Variants in ERBB4 observed in about 807,000 individuals in gnomAD.
ERBB4 encodes erb-b2 receptor tyrosine kinase 4.
ERBB4 carries 42 observed loss-of-function variants against 158.0 expected under a neutral mutation model. The ratio of observed to expected loss-of-function variants is 0.27; its 90% CI spans 0.21 to 0.34. The LOEUF (loss-of-function observed/expected upper bound fraction) is 0.34, where lower values mean the gene tolerates loss of function less well. ERBB4 is among the 10% of genes least tolerant of loss of function. The pLI is 1.00. For synonymous variants in ERBB4, 583 were observed against 558.7 expected (o/e 1.04, Z -0.61); for missense variants, 1,333 against 1,624.1 (o/e 0.82, Z 3.08).
At chr2:212,370,021 G>A (rs554512825) in intron 1 of ERBB4, among the ~76,000 whole-genome samples, 1 of 152,242 alleles carries the variant, frequency 6.6e-6, no homozygotes, top group African/African-American at 2.4e-5. Context: ...GTAAATTAAT[G>A]AATTGGTGAT....
intron 2 of ERBB4, among the ~76,000 whole-genome samples, chr2:212,105,965 G>T (rs2079214447): frequency 6.6e-6 from 1 of 152,118 alleles, no homozygotes; most frequent in South Asian, 2.1e-4. Flanking sequence ...CAACATGATT[G>T]TAAAGCCTCC....
chr2:211,428,859 G>A (rs2063691130), intron 21 of ERBB4, among the ~76,000 whole-genome samples: 1 of 151,938 alleles, frequency 6.6e-6, no homozygotes, highest in Non-Finnish European at 1.5e-5. Context: ...CGGGACCACA[G>A]GGGTGCGCCA....
At chr2:211,909,922 G>T (rs976239653) in intron 3 of ERBB4, among the ~76,000 whole-genome samples, 1 of 151,510 alleles carries the variant, frequency 6.6e-6, no homozygotes, top group Non-Finnish European at 1.5e-5. Context: ...ATAAATTTTT[G>T]TTGTTGTTGT....
At chr2:211,508,336 C>T (rs775686644) in intron 20 of ERBB4, among the ~76,000 whole-genome samples, 7 of 151,770 alleles carry the variant, frequency 4.6e-5, no homozygotes, top group Non-Finnish European at 1.0e-4. Flanking sequence ...AGACATTTCT[C>T]AAAAAAAGAC....
chr2:211,668,704 A>ATTC (rs2071720100), intron 14 of ERBB4, among the ~76,000 whole-genome samples: 1 of 152,126 alleles, frequency 6.6e-6, no homozygotes, highest in Admixed American at 6.5e-5. Context: ...GAACATTATA[A>ATTC]TTCTCCTCCC....
chr2:211,787,411 T>A (rs902669606), intron 4 of ERBB4, among the ~76,000 whole-genome samples: 1 of 152,224 alleles, frequency 6.6e-6, no homozygotes, highest in Non-Finnish European at 1.5e-5. Context: ...ATAAATTCTT[T>A]GTGGTAGAAA....
chr2:212,531,009 T>C (rs1031107663), intron 1 of ERBB4, among the ~76,000 whole-genome samples: 3 of 152,194 alleles, frequency 2.0e-5, no homozygotes, highest in Non-Finnish European at 2.9e-5. Flanking sequence ...CATATTCCTA[T>C]TGGTGTTTAG....
chr2:211,590,463 A>G (rs1285072578), intron 19 of ERBB4, among the ~76,000 whole-genome samples: 1 of 152,098 alleles, frequency 6.6e-6, no homozygotes, highest in Non-Finnish European at 1.5e-5. Context: ...TGCAGCCTCT[A>G]TCCTTGATGG....
intron 2 of ERBB4, among the ~76,000 whole-genome samples, chr2:212,069,902 G>T (rs749407460): frequency 6.6e-6 from 1 of 151,918 alleles, no homozygotes; most frequent in Non-Finnish European, 1.5e-5. Context: ...AGGATCACTT[G>T]AGGCTGGAAA....
chr2:212,178,258 A>T (rs1279720667), intron 1 of ERBB4, among the ~76,000 whole-genome samples: 1 of 151,658 alleles, frequency 6.6e-6, no homozygotes, highest in Non-Finnish European at 1.5e-5. Flanking sequence ...AATAGTAAAA[A>T]GATTGCTGTA....
chr2:212,174,404 T>A lies in ERBB4; in HGVS notation c.83-49501A>T, dbSNP rs533671357. The stretch of plus-strand genomic sequence containing the variant: ...GACTGAGGCTACAAGTTAAGATACA[T>A]ACATTAAATGCTATTTCAGAATAGC... On this transcript the variant is annotated intron_variant, in intron 1 of 27. Coordinates refer to ENST00000342788, the MANE Select transcript of ERBB4 (RefSeq NM_005235.3). 5.5e-4 allele frequency among the ~76,000 whole-genome samples: 83 copies of A among 152,222 alleles called. 1 individual carries two copies. The highest frequency in any genetic ancestry group is 8.8e-4 in the Non-Finnish European group (60 of 67,994).
At chr2:212,098,769 A>G (rs934916460) in intron 2 of ERBB4, among the ~76,000 whole-genome samples, 1 of 152,196 alleles carries the variant, frequency 6.6e-6, no homozygotes, top group African/African-American at 2.4e-5. Flanking sequence ...AGTTTGTATA[A>G]GAAAATTTAG....
intron 1 of ERBB4, among the ~76,000 whole-genome samples, chr2:212,535,426 A>G (rs1467100139): frequency 1.3e-5 from 2 of 152,196 alleles, no homozygotes; most frequent in African/African-American, 4.8e-5. Context: ...TTTTGGAGAT[A>G]TAATGATGTA....
chr2:211,776,730 G>A (rs1483412215), intron 4 of ERBB4, among the ~76,000 whole-genome samples: 1 of 152,172 alleles, frequency 6.6e-6, no homozygotes, highest in Non-Finnish European at 1.5e-5. Flanking sequence ...AGTTGAATTG[G>A]CAGAGGTTTG....
intron 2 of ERBB4, among the ~76,000 whole-genome samples, chr2:211,969,957 C>CT (rs1415581367): frequency 6.6e-6 from 1 of 152,004 alleles, no homozygotes; most frequent in Non-Finnish European, 1.5e-5. Flanking sequence ...TCTTGGTTCT[C>CT]TAATTCTTTT....
intron 2 of ERBB4, among the ~76,000 whole-genome samples, chr2:212,112,055 A>C (rs1273007526): frequency 1.3e-5 from 2 of 152,104 alleles, no homozygotes; most frequent in Non-Finnish European, 2.9e-5. Flanking sequence ...TCTCTAAAAA[A>C]CTTCTGTCAC....
At chr2:212,031,411 T>A (rs1019474140) in intron 2 of ERBB4, among the ~76,000 whole-genome samples, 2 of 152,148 alleles carry the variant, frequency 1.3e-5, no homozygotes, top group Non-Finnish European at 2.9e-5. Context: ...GCCTGGCACA[T>A]GTTAATCATT....
intron 1 of ERBB4, among the ~76,000 whole-genome samples, chr2:212,341,615 G>A (rs2088716356): frequency 1.4e-5 from 1 of 71,462 alleles, no homozygotes; most frequent in Admixed American, 1.4e-4. Flanking sequence ...AGTATAGACT[G>A]TCTTTGACTA....
At chr2:212,015,523 C>T (rs1186073093) in intron 2 of ERBB4, among the ~76,000 whole-genome samples, 1 of 152,094 alleles carries the variant, frequency 6.6e-6, no homozygotes, top group African/African-American at 2.4e-5. Flanking sequence ...CTGAATTGCC[C>T]TTAGCTCCAC....
Sources: gnomAD v4.1 joint callset for allele counts (sites outside exome capture counted in the v4.1 genomes callset) on GRCh38, gnomAD v4.1.1 for gene constraint, MANE v1.5 for transcripts, NCBI Gene and HGNC (gene_info 2026-07-23, HGNC 2026-07-21) for gene names.